ACSS3: variants seen among roughly 807,000 people sequenced by gnomAD.
ACSS3 encodes the protein acyl-CoA synthetase short-chain family member 3, mitochondrial.
Under a neutral mutation model 84.2 loss-of-function variants are expected in ACSS3, and 64 were observed. That is an observed-to-expected ratio of 0.76 (90% CI 0.62 to 0.94). The LOEUF (loss-of-function observed/expected upper bound fraction) is 0.94. ACSS3 is among the 40% of genes least tolerant of loss of function. The probability of loss-of-function intolerance (pLI) is 0.00; values close to 1 mark genes in which losing one functional copy is unlikely to be tolerated. For missense variants in ACSS3, 815 were observed against 867.6 expected (o/e 0.94, Z 0.76); for synonymous variants, 317 against 310.1 (o/e 1.02, Z -0.23).
intron 9 of ACSS3, among the ~76,000 whole-genome samples, chr12:81,211,097 G>C (rs2032573203): frequency 6.6e-6 from 1 of 151,948 alleles, no homozygotes; most frequent in South Asian, 2.1e-4. Context: ...CTGCCCAATA[G>C]CTGGGACTAC....
At chr12:81,242,355 G>A (rs1265915984) in intron 13 of ACSS3, among the ~76,000 whole-genome samples, 2 of 151,922 alleles carry the variant, frequency 1.3e-5, no homozygotes, top group Non-Finnish European at 2.9e-5. Context: ...CTGAAATTGT[G>A]GCAATAATCA....
At position 81,255,224 on chromosome 12, in the gene ACSS3, CT is replaced by C. The variant is rs113734453; in HGVS notation, c.*305del. On this transcript the variant is annotated 3_prime_UTR_variant, in exon 16 of 16. Transcript: ENST00000548058. ...AAAATTGTACCTCCCAAGAAGAACA[CT>C]TTAATTGAAAGCAACACTAATATAG... The C allele has an allele frequency of 5.0e-4, 100 of 198,914 alleles. No homozygotes were observed. The highest frequency in any genetic ancestry group is 2.2e-3 in the African/African-American group (96 of 43,208). 12.3% of individuals were successfully genotyped at this position (198,914 alleles called of 1,614,324 possible).
chr12:81,169,239 A>G (rs968585224), intron 7 of ACSS3, among the ~76,000 whole-genome samples: 7 of 152,204 alleles, frequency 4.6e-5, no homozygotes, highest in Non-Finnish European at 1.0e-4. Flanking sequence ...AGTAAGAATC[A>G]AGGAAGTCAG....
intron 8 of ACSS3, 21 bp downstream of exon 8, chr12:81,174,960 G>A (rs1406938950): frequency 1.2e-6 from 2 of 1,607,128 alleles, no homozygotes; most frequent in East Asian, 2.2e-5. Context: ...GATGCACAGG[G>A]CAAATGACAT....
chr12:81,236,413 T>C (rs10862270), intron 13 of ACSS3, among the ~76,000 whole-genome samples: 31,021 of 151,220 alleles, frequency 0.21, 3,263 homozygotes, highest in Middle Eastern at 0.22. Context: ...TGAAATCTAC[T>C]GTTTGTAGTA....
intron 11 of ACSS3, among the ~76,000 whole-genome samples, chr12:81,230,614 G>A (rs2033425535): frequency 6.6e-6 from 1 of 151,490 alleles, no homozygotes; most frequent in Non-Finnish European, 1.5e-5. Flanking sequence ...TTTACACTGG[G>A]TGCTTAATTA....
chr12:81,174,773 T>G lies in ACSS3; in HGVS notation c.1099-15T>G. 1.2e-6 allele frequency: 2 copies of G among 1,607,172 alleles called. No individual in the cohort carries two copies. Among genetic ancestry groups the G allele is most frequent in the Non-Finnish European group, 1.7e-6 (2 of 1,175,408 alleles). ...ACATTTTATCCAGTGACATTTTAAA[T>G]GAATCTCATTGTAGGGGAAGCCTGT... On this transcript the variant is annotated splice_polypyrimidine_tract_variant and intron_variant, in intron 7 of 15. Coordinates refer to ENST00000548058, the MANE Select transcript of ACSS3 (RefSeq NM_024560.4).
chr12:81,143,301 A>G, intron 5 of ACSS3, 54 bp downstream of exon 5: 1 of 1,412,980 alleles, frequency 7.1e-7, no homozygotes, highest in South Asian at 1.6e-5. Context: ...CTTTGCACCA[A>G]GAATGTTTGA....
intron 7 of ACSS3, among the ~76,000 whole-genome samples, chr12:81,165,756 G>T (rs1436953354): frequency 3.3e-5 from 5 of 152,090 alleles, no homozygotes; most frequent in Admixed American, 3.3e-4. Flanking sequence ...TAAACTACAT[G>T]GTGTCATCAC....
chr12:81,247,258 C>T (rs558192206), intron 13 of ACSS3, among the ~76,000 whole-genome samples: 3 of 152,138 alleles, frequency 2.0e-5, no homozygotes, highest in African/African-American at 4.8e-5. Flanking sequence ...CCTGCATTTC[C>T]GGCAGACTCA....
intron 8 of ACSS3, among the ~76,000 whole-genome samples, chr12:81,182,158 G>A (rs952795914): frequency 1.3e-5 from 2 of 152,118 alleles, no homozygotes; most frequent in Non-Finnish European, 2.9e-5. Flanking sequence ...ACAGAGAAAA[G>A]CATCAAATTA....
intron 4 of ACSS3, among the ~76,000 whole-genome samples, chr12:81,140,958 G>C (rs1231385281): frequency 6.6e-6 from 1 of 152,042 alleles, no homozygotes; most frequent in Non-Finnish European, 1.5e-5. Context: ...TGAAATACAT[G>C]CTGTTTCTAG....
chr12:81,209,709 G>A (rs1300813063), intron 9 of ACSS3, among the ~76,000 whole-genome samples: 1 of 152,158 alleles, frequency 6.6e-6, no homozygotes, highest in Non-Finnish European at 1.5e-5. Context: ...CAGCCCGAAC[G>A]GCTACTGGTT....
At chr12:81,154,732 A>C (rs1010783768) in intron 7 of ACSS3, among the ~76,000 whole-genome samples, 1 of 152,192 alleles carries the variant, frequency 6.6e-6, no homozygotes, top group Non-Finnish European at 1.5e-5. Context: ...TTCATAAGTG[A>C]CAAAGTCAAA....
intron 1 of ACSS3, among the ~76,000 whole-genome samples, chr12:81,079,279 C>T (rs1880822162): frequency 6.6e-6 from 1 of 152,182 alleles, no homozygotes; most frequent in South Asian, 2.1e-4. Flanking sequence ...TGCTAAGATA[C>T]TGAGGGTGAA....
intron 1 of ACSS3, among the ~76,000 whole-genome samples, chr12:81,085,651 C>G (rs2121293913): frequency 6.6e-6 from 1 of 152,162 alleles, no homozygotes; most frequent in Non-Finnish European, 1.5e-5. Flanking sequence ...CTTGGCCAAC[C>G]TGAAAAAGAT....
At position 81,151,787 on chromosome 12, in the gene ACSS3, TAGAG is replaced by T. The variant is rs1355690390; in HGVS notation, c.922-54_922-51del. ...ACTTTTAAAGTGGATGCTATGAAGA[TAGAG>T]AGTGTTTTTACACATTGTTTATTGA... On this transcript the variant is annotated intron_variant, in intron 5 of 15. Coordinates refer to ENST00000548058, the MANE Select transcript of ACSS3 (RefSeq NM_024560.4). The T allele has an allele frequency of 8.8e-6, 13 of 1,471,878 alleles. 1 individual carries two copies. The highest frequency in any genetic ancestry group is 7.0e-5 in the African/African-American group (5 of 71,438). 91.2% of individuals were successfully genotyped at this position (1,471,878 alleles called of 1,614,324 possible).
Position 81,129,236 on chromosome 12 carries a change from A to T in ACSS3, c.457-5580A>T, listed in dbSNP as rs2574739. 8.6e-5 allele frequency among the ~76,000 whole-genome samples: 13 copies of T among 152,024 alleles called. 1 individual carries two copies. Among genetic ancestry groups the T allele is most frequent in the Admixed American group, 8.5e-4 (13 of 15,258 alleles). On this transcript the variant is annotated intron_variant, in intron 2 of 15. Transcript: ENST00000548058. ...GGTGGATGGGAGAAAAATCAATTGT[A>T]GGTATGTATCACACTTTCTGTATGG...
chr12:81,185,827 ATG>A (rs1013116892), intron 8 of ACSS3, among the ~76,000 whole-genome samples: 2 of 151,798 alleles, frequency 1.3e-5, no homozygotes, highest in African/African-American at 2.4e-5. Context: ...CAAAATCCCA[ATG>A]GCATACTTCA....
Sources: allele counts gnomAD v4.1 joint callset (sites outside exome capture counted in the v4.1 genomes callset), GRCh38; gene constraint gnomAD v4.1.1; transcripts MANE v1.5; gene names NCBI Gene and HGNC (gene_info 2026-07-23, HGNC 2026-07-21).